HDAC9: variants seen among roughly 807,000 people sequenced by gnomAD.
The protein encoded by HDAC9 is histone deacetylase 9.
In HDAC9, 41 loss-of-function variants were observed where a neutral mutation model predicts 139.4. The ratio of observed to expected loss-of-function variants is 0.29; its 90% CI spans 0.23 to 0.38. The LOEUF (loss-of-function observed/expected upper bound fraction) is 0.38. HDAC9 is among the 10% of genes least tolerant of loss of function. HDAC9 has a pLI of 1.00. For synonymous variants in HDAC9, 517 were observed against 476.2 expected (o/e 1.09, Z -1.12); for missense variants, 1,147 against 1,297.0 (o/e 0.88, Z 1.78).
At chr7:18,725,353 A>G (rs1201653903) in intron 12 of HDAC9, among the ~76,000 whole-genome samples, 1 of 152,194 alleles carries the variant, frequency 6.6e-6, no homozygotes, top group African/African-American at 2.4e-5. Context: ...TCTGATATTC[A>G]GTAGATAGTA....
chr7:18,861,417 T>C (rs1798099166), intron 21 of HDAC9, among the ~76,000 whole-genome samples: 2 of 152,196 alleles, frequency 1.3e-5, no homozygotes, highest in Admixed American at 1.3e-4. Flanking sequence ...AATCAGTTTA[T>C]CTGTTTTGAT....
At chr7:18,518,010 C>T (rs1396568614) in intron 2 of HDAC9, 2 of 152,172 alleles carry the variant, frequency 1.3e-5, no homozygotes, top group Non-Finnish European at 2.9e-5. Flanking sequence ...ACAGTGTTCA[C>T]ACATACATTT....
chr7:18,773,572 C>A (rs904586731), intron 16 of HDAC9, among the ~76,000 whole-genome samples: 3 of 151,714 alleles, frequency 2.0e-5, no homozygotes, highest in Admixed American at 1.3e-4. Context: ...ATCTGTGGCT[C>A]GATTAAATAA....
chr7:18,465,475 G>A (rs11976923), intron 1 of HDAC9, among the ~76,000 whole-genome samples: 1 of 152,054 alleles, frequency 6.6e-6, no homozygotes, highest in Non-Finnish European at 1.5e-5. Context: ...GTGGAGGTGG[G>A]TGGGGTTTGT....
Position 18,579,615 on chromosome 7 carries a change from G to A in HDAC9, c.23-5666G>A, listed in dbSNP as rs995006904. On this transcript the variant is annotated intron_variant, in intron 2 of 25. Transcript: ENST00000686413. ...CAACCATTTCCCAGGTAAAAATAAC[G>A]TAGGAATAAAATGGCTCTGGGCAGC... Among the ~76,000 whole-genome samples the A allele has an allele frequency of 5.9e-5, 9 of 152,282 alleles. No individual in the cohort carries two copies. In the East Asian group the frequency reaches 7.7e-4, roughly 13 times the overall value.
At position 18,732,854 on chromosome 7, in the gene HDAC9, T is replaced by TGTGTACACACACAC. The variant is rs1786347573; in HGVS notation, c.1909+5101_1909+5102insACACACACACGTGT. On this transcript the variant is annotated intron_variant, in intron 13 of 25. Transcript: ENST00000686413. ...GCGTATGTGTACACACACGTGTGTATGTGTGCGTATGTGTACACACACACG... is the reference window on the plus strand; with the variant it reads ...GCGTATGTGTACACACACGTGTGTATGTGTACACACACACGTGTGCGTATGTGTACACACACACG... 5.8e-5 allele frequency among the ~76,000 whole-genome samples: 4 copies of TGTGTACACACACAC among 69,408 alleles called. 1 individual carries two copies. The highest frequency in any genetic ancestry group is 1.2e-4 in the Non-Finnish European group (4 of 33,878). 45.5% of individuals were successfully genotyped at this position (69,408 alleles called of 152,430 possible).
At chr7:18,165,200 A>G (rs1027126205) in intron 2 of HDAC9, among the ~76,000 whole-genome samples, 8 of 152,192 alleles carry the variant, frequency 5.3e-5, no homozygotes, top group Non-Finnish European at 8.8e-5. Flanking sequence ...AACATGTCAG[A>G]TAGTAAAAAT....
chr7:18,647,419 A>G (rs1219233682), intron 9 of HDAC9, among the ~76,000 whole-genome samples: 1 of 152,160 alleles, frequency 6.6e-6, no homozygotes, highest in Non-Finnish European at 1.5e-5. Flanking sequence ...CTATTCTCTG[A>G]GAAATTTTCA....
chr7:18,416,975 G>A (rs1027798852), intron 1 of HDAC9, among the ~76,000 whole-genome samples: 5 of 151,958 alleles, frequency 3.3e-5, no homozygotes, highest in East Asian at 1.9e-4. Context: ...CTTGGGGTTC[G>A]CTGAGATTTT....
Position 18,629,448 on chromosome 7 carries a change from A to T in HDAC9, c.763A>T (p.Thr255Ser). The T allele has an allele frequency of 6.2e-7, 1 of 1,612,410 alleles. No homozygotes were observed. The highest frequency in any genetic ancestry group is 8.5e-7 in the Non-Finnish European group (1 of 1,178,998). Residue 255 changes from threonine to serine, a missense_variant, in exon 7 of 26, where the codon ACT (threonine) becomes TCT (serine). Physicochemically the swap from Thr to Ser is moderately conservative, Grantham distance 58. Around this residue, in one of 7 missense-constraint regions of HDAC9, gnomAD observed 264 missense variants for 273.8 expected, o/e 0.96. Coordinates refer to ENST00000686413, the MANE Select transcript of HDAC9 (RefSeq NM_178425.4). ...CAGGCGGAAGGATGGAAATGTTGTCACTTCATTCAAGAAGCGAATGTTTGA... is the reference window on the plus strand; with the variant it reads ...CAGGCGGAAGGATGGAAATGTTGTCTCTTCATTCAAGAAGCGAATGTTTGA... ...LLRRKDGNVV[T>S]SFKKRMFEVT...
intron 1 of HDAC9, among the ~76,000 whole-genome samples, chr7:18,357,054 G>A (rs1274755218): frequency 6.6e-6 from 1 of 151,946 alleles, no homozygotes; most frequent in Non-Finnish European, 1.5e-5. Context: ...CACGATTAAT[G>A]GCATTTTCCC....
chr7:18,301,495 G>T (rs927492492), intron 1 of HDAC9, among the ~76,000 whole-genome samples: 1 of 151,752 alleles, frequency 6.6e-6, no homozygotes, highest in African/African-American at 2.4e-5. Flanking sequence ...ACTTATTTAG[G>T]TTTCATTTAC....
rs182895861 is a variant in HDAC9 at position 18,960,039 on chromosome 7, C to A, written c.3022+5809C>A. Among the ~76,000 whole-genome samples the A allele has an allele frequency of 3.1e-4, 46 of 146,600 alleles. 1 individual carries two copies. In the East Asian group the frequency reaches 9.2e-3, roughly 29 times the overall value. On this transcript the variant is annotated intron_variant, in intron 24 of 25. Transcript: ENST00000686413. ...ACACACACACACACACACACACACA[C>A]ACAGAGTATTATTTAGGGCAATGAG... is the stretch of plus-strand genomic sequence containing the variant.
chr7:18,221,775 A>AT (rs1170466307), intron 2 of HDAC9, among the ~76,000 whole-genome samples: 2 of 152,016 alleles, frequency 1.3e-5, no homozygotes, highest in East Asian at 3.9e-4. Flanking sequence ...ATCCAACTTG[A>AT]TTTTTTCTGA....
intron 22 of HDAC9, among the ~76,000 whole-genome samples, chr7:18,914,545 A>G (rs555248253): frequency 6.6e-6 from 1 of 152,026 alleles, no homozygotes; most frequent in Admixed American, 6.6e-5. Context: ...TTCTAATATA[A>G]TTTTTAAGTT....
intron 2 of HDAC9, among the ~76,000 whole-genome samples, chr7:18,177,731 C>T (rs192144346): frequency 4.5e-4 from 69 of 152,244 alleles, no homozygotes; most frequent in Admixed American, 2.7e-3. Flanking sequence ...CATCTAAGTA[C>T]ATTTTGTGGG....
At chr7:18,437,250 T>C (rs1791288440) in intron 1 of HDAC9, among the ~76,000 whole-genome samples, 1 of 152,114 alleles carries the variant, frequency 6.6e-6, no homozygotes, top group South Asian at 2.1e-4. Context: ...ACATATGATA[T>C]ATTCAAGAAC....
rs564288642 is a variant in HDAC9, at chr7:18,964,934, A to G, written c.3022+10704A>G. Among the ~76,000 whole-genome samples the G allele has an allele frequency of 2.0e-5, 3 of 152,308 alleles. No homozygotes were observed. In the South Asian group the frequency reaches 6.2e-4, roughly 32 times the overall value. The stretch of plus-strand genomic sequence containing the variant: ...ACCATATCACTGAGTGATAGAAACA[A>G]TCCTTTGAATGCAATTTGGTTTCCC... On this transcript the variant is annotated intron_variant, in intron 24 of 25. Coordinates refer to ENST00000686413, the MANE Select transcript of HDAC9 (RefSeq NM_178425.4).
intron 1 of HDAC9, among the ~76,000 whole-genome samples, chr7:18,477,880 A>G (rs1024101586): frequency 1.3e-5 from 2 of 152,122 alleles, no homozygotes; most frequent in Non-Finnish European, 2.9e-5. Flanking sequence ...ATATTTTAAT[A>G]ACAATTCTAA....
Sources: allele counts gnomAD v4.1 joint callset (sites outside exome capture counted in the v4.1 genomes callset), GRCh38; gene constraint gnomAD v4.1.1; regional missense constraint gnomAD v4.1.1; transcripts MANE v1.5; gene names NCBI Gene and HGNC (gene_info 2026-07-23, HGNC 2026-07-21).